The following KATNIP variants were observed in gnomAD, a reference collection of about 807,000 sequenced individuals.
KATNIP encodes the protein katanin-interacting protein.
In KATNIP, 126 loss-of-function variants were observed where a neutral mutation model predicts 174.0. The observed-to-expected ratio is 0.72, with a 90% CI of 0.63 to 0.84. The LOEUF (loss-of-function observed/expected upper bound fraction) is 0.84, where lower values mean the gene tolerates loss of function less well. Among genes scored for constraint, KATNIP ranks in the 40% least tolerant of loss-of-function variants. KATNIP has a pLI of 0.00. For missense variants in KATNIP, 1,958 were observed against 2,109.7 expected (o/e 0.93, Z 1.41); for synonymous variants, 810 against 835.7 (o/e 0.97, Z 0.53).
intron 2 of KATNIP, among the ~76,000 whole-genome samples, chr16:27,574,729 T>C (rs1408741171): frequency 6.6e-6 from 1 of 151,992 alleles, no homozygotes; most frequent in Non-Finnish European, 1.5e-5. Context: ...CAAGCCCGGC[T>C]AATTTTGTAT....
chr16:27,716,819 C>T (rs1252935013), intron 13 of KATNIP, among the ~76,000 whole-genome samples: 1 of 151,892 alleles, frequency 6.6e-6, no homozygotes, highest in East Asian at 1.9e-4. Context: ...TTCAAGAATG[C>T]TACGTAAATG....
intron 17 of KATNIP, 34 bp downstream of exon 17, chr16:27,751,958 C>G (rs1225548056): frequency 6.4e-7 from 1 of 1,551,668 alleles, no homozygotes; most frequent in African/African-American, 1.4e-5. Flanking sequence ...TGGGGGGACC[C>G]CCAGATAGGT....
intron 15 of KATNIP, among the ~76,000 whole-genome samples, chr16:27,745,756 GA>G (rs1317432470): frequency 6.6e-6 from 1 of 152,150 alleles, no homozygotes; most frequent in African/African-American, 2.4e-5. Context: ...GGCCCTCCCA[GA>G]TTGTGTTGAC....
At chr16:27,733,564 GAC>G (rs10558929) in intron 14 of KATNIP, among the ~76,000 whole-genome samples, 70,482 of 142,946 alleles carry the variant, frequency 0.49, 17,032 homozygotes, top group African/African-American at 0.56. Context: ...AAACAAGAAG[GAC>G]ACACACACAC....
At chr16:27,562,741 G>T (rs2089934897) in intron 1 of KATNIP, among the ~76,000 whole-genome samples, 1 of 152,210 alleles carries the variant, frequency 6.6e-6, no homozygotes, top group Non-Finnish European at 1.5e-5. Context: ...AGCCTGGGAA[G>T]CGTGTTGTCA....
At chr16:27,768,301 G>A (rs2082188023) in intron 20 of KATNIP, among the ~76,000 whole-genome samples, 1 of 152,322 alleles carries the variant, frequency 6.6e-6, no homozygotes, top group Non-Finnish European at 1.5e-5. Flanking sequence ...GTGAAGTTTA[G>A]CTTCCTTCCC....
chr16:27,630,984 G>C, intron 4 of KATNIP, 81 bp from the exon 5 acceptor site: 1 of 1,078,698 alleles, frequency 9.3e-7, no homozygotes, highest in South Asian at 1.4e-5. Context: ...ACGCATTTTA[G>C]ACATGAGTTA....
In KATNIP at chr16:27,766,305, G is replaced by A. The variant is rs1162999805; in HGVS notation, c.3810-4G>A. On this transcript the variant is annotated splice_region_variant and splice_polypyrimidine_tract_variant and intron_variant, in intron 19 of 27. Coordinates refer to ENST00000261588, the MANE Select transcript of KATNIP (RefSeq NM_015202.5). ...CCCCTGCCGCTCCGTCCCCATTGCT[G>A]CAGGTTAATTGATGGCACCAACATC... 6.2e-7 allele frequency: 1 copy of A among 1,613,956 alleles called. No individual in the cohort carries two copies. Among genetic ancestry groups the A allele is most frequent in the South Asian group, 1.1e-5 (1 of 91,076 alleles).
At chr16:27,598,826 C>T (rs1318904006) in intron 2 of KATNIP, among the ~76,000 whole-genome samples, 2 of 152,150 alleles carry the variant, frequency 1.3e-5, no homozygotes, top group Admixed American at 1.3e-4. Flanking sequence ...GTAAGGGTAG[C>T]AGGCTTGGGC....
At chr16:27,737,735 G>A (rs1039545409) in intron 14 of KATNIP, among the ~76,000 whole-genome samples, 7 of 152,134 alleles carry the variant, frequency 4.6e-5, no homozygotes, top group African/African-American at 1.2e-4. Context: ...GGAAGCTGCC[G>A]AGTACTGCCG....
intron 6 of KATNIP, among the ~76,000 whole-genome samples, chr16:27,675,983 C>T (rs1235473342): frequency 6.6e-6 from 1 of 152,208 alleles, no homozygotes; most frequent in African/African-American, 2.4e-5. Context: ...TGTCCAGCCA[C>T]ACCTTTAGTT....
intron 15 of KATNIP, among the ~76,000 whole-genome samples, chr16:27,748,905 G>A (rs1441010775): frequency 1.3e-5 from 2 of 152,102 alleles, no homozygotes; most frequent in Non-Finnish European, 2.9e-5. Context: ...GAACAACACT[G>A]TTAACACGGG....
rs1277686972 is a variant in KATNIP at position 27,661,933 on chromosome 16, T to C, written c.540+13198T>C. On this transcript the variant is annotated intron_variant, in intron 6 of 27. Coordinates refer to ENST00000261588, the MANE Select transcript of KATNIP (RefSeq NM_015202.5). ...GCTAATATATATATATATATATATA[T>C]ATATATATATATATATATATATACA... is the stretch of plus-strand genomic sequence containing the variant. Among the ~76,000 whole-genome samples the C allele has an allele frequency of 6.8e-4, 40 of 58,900 alleles. 1 individual carries two copies. The highest frequency in any genetic ancestry group is 3.8e-3 in the East Asian group (6 of 1,564). 38.6% of individuals were successfully genotyped at this position (58,900 alleles called of 152,430 possible).
intron 2 of KATNIP, among the ~76,000 whole-genome samples, chr16:27,593,634 G>A (rs368721695): frequency 1.3e-5 from 2 of 152,012 alleles, no homozygotes; most frequent in African/African-American, 4.8e-5. Flanking sequence ...CAGGCCAAGC[G>A]ATCCTCCTGC....
intron 5 of KATNIP, among the ~76,000 whole-genome samples, chr16:27,634,898 A>G (rs2076590176): frequency 6.6e-6 from 1 of 152,202 alleles, no homozygotes; most frequent in Non-Finnish European, 1.5e-5. Context: ...AGGAGATGGA[A>G]GGAAACCTCA....
intron 3 of KATNIP, among the ~76,000 whole-genome samples, chr16:27,627,025 C>T (rs972726414): frequency 6.6e-6 from 1 of 151,490 alleles, no homozygotes; most frequent in East Asian, 1.9e-4. Context: ...TTCTTCATAT[C>T]GTTGATCATC....
intron 18 of KATNIP, among the ~76,000 whole-genome samples, chr16:27,757,111 G>T (rs953229486): frequency 6.6e-6 from 1 of 152,176 alleles, no homozygotes; most frequent in Non-Finnish European, 1.5e-5. Flanking sequence ...TTGAGACAGG[G>T]TCTCACTCTG....
chr16:27,711,530 G>A (rs1192103824), intron 13 of KATNIP, among the ~76,000 whole-genome samples: 1 of 152,132 alleles, frequency 6.6e-6, no homozygotes, highest in Non-Finnish European at 1.5e-5. Context: ...TTAGCTGGTT[G>A]GTTTGTCCTC....
chr16:27,616,532 G>T (rs964094070), intron 2 of KATNIP, among the ~76,000 whole-genome samples: 1 of 151,864 alleles, frequency 6.6e-6, no homozygotes, highest in African/African-American at 2.4e-5. Context: ...TAAGAGACCA[G>T]CCTGGCCAAC....
Sources: allele counts gnomAD v4.1 joint callset (sites outside exome capture counted in the v4.1 genomes callset), GRCh38; gene constraint gnomAD v4.1.1; transcripts MANE v1.5; gene names NCBI Gene and HGNC (gene_info 2026-07-23, HGNC 2026-07-21).